CPPED1: variants seen among roughly 807,000 people sequenced by gnomAD.
The protein encoded by CPPED1 is calcineurin like phosphoesterase domain containing 1.
CPPED1 carries 28 observed loss-of-function variants against 28.0 expected under a neutral mutation model. The ratio of observed to expected loss-of-function variants is 1.00; its 90% CI spans 0.74 to 1.37. The LOEUF (loss-of-function observed/expected upper bound fraction) is 1.37, where lower values mean the gene tolerates loss of function less well. Ranked by LOEUF, CPPED1 falls within the 40% of genes most tolerant of loss-of-function variation. CPPED1 has a pLI of 0.00. For missense variants in CPPED1, 504 were observed against 416.5 expected (o/e 1.21, Z -1.83); for synonymous variants, 198 against 180.2 (o/e 1.10, Z -0.79).
At chr16:12,787,012 T>C (rs2080567516) in intron 1 of CPPED1, among the ~76,000 whole-genome samples, 2 of 152,190 alleles carry the variant, frequency 1.3e-5, no homozygotes, top group South Asian at 4.1e-4. Flanking sequence ...AGTATGAGTA[T>C]ATAGCACACA....
At chr16:12,689,130 G>GT (rs981535279) in intron 3 of CPPED1, among the ~76,000 whole-genome samples, 7 of 149,928 alleles carry the variant, frequency 4.7e-5, no homozygotes, top group African/African-American at 1.7e-4. Context: ...TGTGGTCTGG[G>GT]TTTTTAATGA....
Position 12,704,815 on chromosome 16 carries a change from G to A in CPPED1, c.524C>T (p.Pro175Leu), listed in dbSNP as rs763187494. The A allele has an allele frequency of 6.2e-7, 1 of 1,614,194 alleles. No homozygotes were observed. Among genetic ancestry groups the A allele is most frequent in the Non-Finnish European group, 8.5e-7 (1 of 1,180,040 alleles). Residue 175 changes from proline to leucine, a missense_variant, in exon 3 of 4, where the codon CCC becomes CTC. Transcript: ENST00000381774. ...CTGGTCCTGAGCCTGCTTCAGGCTG[G>A]GGCATTTGGAGGGGTTCTCGTAGAA... ...SQFYENPSKC[P>L]SLKQAQDQWL...
At chr16:12,802,123 G>A (rs1017904374) in intron 1 of CPPED1, among the ~76,000 whole-genome samples, 3 of 152,174 alleles carry the variant, frequency 2.0e-5, no homozygotes, top group Non-Finnish European at 2.9e-5. Flanking sequence ...CACCGATGTA[G>A]CTCACGGAGG....
chr16:12,718,924 C>T (rs557783303), intron 2 of CPPED1, among the ~76,000 whole-genome samples: 25 of 152,236 alleles, frequency 1.6e-4, no homozygotes, highest in Non-Finnish European at 3.2e-4. Context: ...GATCCTTCCA[C>T]TGCACTCCAG....
At chr16:12,714,265 G>A (rs2080095381) in intron 2 of CPPED1, among the ~76,000 whole-genome samples, 1 of 152,170 alleles carries the variant, frequency 6.6e-6, no homozygotes. Context: ...TTTTTCACAT[G>A]TGAAAAGATG....
At chr16:12,684,498 C>G (rs575096289) in intron 3 of CPPED1, among the ~76,000 whole-genome samples, 1 of 152,188 alleles carries the variant, frequency 6.6e-6, no homozygotes, top group African/African-American at 2.4e-5. Context: ...CAGTACAGGA[C>G]GAGCTATTTT....
chr16:12,711,512 TAAAAG>T lies in CPPED1; in HGVS notation c.290-6468_290-6464del, dbSNP rs552329688. ...TAACGTTACGTATATTCTGCCATGC[TAAAAG>T]AAAAGAGAAGAAACCACCAAAGTTA... On this transcript the variant is annotated intron_variant, in intron 2 of 3. Coordinates refer to ENST00000381774, the MANE Select transcript of CPPED1 (RefSeq NM_018340.3). Among the ~76,000 whole-genome samples the T allele has an allele frequency of 7.2e-5, 11 of 152,322 alleles. No individual in the cohort carries two copies. In the South Asian group the frequency reaches 2.3e-3, roughly 32 times the overall value.
At chr16:12,769,567 G>C (rs540298558) in intron 2 of CPPED1, among the ~76,000 whole-genome samples, 21 of 152,136 alleles carry the variant, frequency 1.4e-4, no homozygotes, top group Non-Finnish European at 2.5e-4. Context: ...TCCCTAATTA[G>C]TCATATAAGG....
intron 2 of CPPED1, among the ~76,000 whole-genome samples, chr16:12,778,207 G>A (rs2080509202): frequency 6.6e-6 from 1 of 150,970 alleles, no homozygotes. Flanking sequence ...ACCATGCCTG[G>A]CCTTTCTCCA....
At chr16:12,745,441 T>C (rs944409095) in intron 2 of CPPED1, among the ~76,000 whole-genome samples, 6 of 152,144 alleles carry the variant, frequency 3.9e-5, no homozygotes, top group East Asian at 3.9e-4. Flanking sequence ...CAACGACAGA[T>C]TGGATAAAGA....
At chr16:12,719,929 T>A (rs1344531789) in intron 2 of CPPED1, among the ~76,000 whole-genome samples, 1 of 149,162 alleles carries the variant, frequency 6.7e-6, no homozygotes, top group Non-Finnish European at 1.5e-5. Context: ...AGAGCAAAAC[T>A]CCATCACAGA....
intron 3 of CPPED1, among the ~76,000 whole-genome samples, chr16:12,700,737 A>C (rs1295329435): frequency 6.6e-6 from 1 of 152,230 alleles, no homozygotes; most frequent in Non-Finnish European, 1.5e-5. Flanking sequence ...TAAAACATTT[A>C]TTATGAGCTA....
intron 2 of CPPED1, among the ~76,000 whole-genome samples, chr16:12,777,546 A>G (rs556262997): frequency 7.2e-5 from 11 of 152,380 alleles, no homozygotes; most frequent in African/African-American, 2.2e-4. Context: ...GCTTTATAAT[A>G]GAATAAAATA....
intron 3 of CPPED1, among the ~76,000 whole-genome samples, chr16:12,701,396 T>C (rs1416906036): frequency 6.6e-6 from 1 of 151,982 alleles, no homozygotes; most frequent in Non-Finnish European, 1.5e-5. Context: ...TAGCCAGGCA[T>C]GGTGGTGCGC....
At chr16:12,779,282 G>A (rs1180360547) in intron 2 of CPPED1, among the ~76,000 whole-genome samples, 2 of 151,996 alleles carry the variant, frequency 1.3e-5, no homozygotes, top group South Asian at 2.1e-4. Context: ...GCAGTGGTAC[G>A]ATCATGGCTC....
At chr16:12,738,575 G>T (rs1056792003) in intron 2 of CPPED1, among the ~76,000 whole-genome samples, 2 of 152,096 alleles carry the variant, frequency 1.3e-5, no homozygotes, top group Non-Finnish European at 2.9e-5. Context: ...TTATTCAGAA[G>T]CAAGAATGCT....
At chr16:12,761,173 A>C (rs568037167) in intron 2 of CPPED1, 1 of 150,078 alleles carries the variant, frequency 6.7e-6, no homozygotes, top group Admixed American at 6.7e-5. Flanking sequence ...GCTACTTGGG[A>C]GGCCGAGGCA....
At chr16:12,759,878 A>G (rs1393421204) in intron 2 of CPPED1, among the ~76,000 whole-genome samples, 2 of 152,212 alleles carry the variant, frequency 1.3e-5, no homozygotes, top group Non-Finnish European at 2.9e-5. Flanking sequence ...TGGTATCCTT[A>G]TATCAGTGTG....
At chr16:12,782,836 A>G (rs2141239878) in intron 1 of CPPED1, among the ~76,000 whole-genome samples, 1 of 152,148 alleles carries the variant, frequency 6.6e-6, no homozygotes, top group Admixed American at 6.5e-5. Context: ...ACGTCACTGC[A>G]CTCCAGCCTG....
Sources: allele counts gnomAD v4.1 joint callset (sites outside exome capture counted in the v4.1 genomes callset), GRCh38; gene constraint gnomAD v4.1.1; transcripts MANE v1.5; gene names NCBI Gene and HGNC (gene_info 2026-07-23, HGNC 2026-07-21).